HS6ST3: variants seen among roughly 807,000 people sequenced by gnomAD.
HS6ST3 encodes heparan sulfate 6-O-sulfotransferase 3, also known as heparan-sulfate 6-O-sulfotransferase 3.
Under a neutral mutation model 36.7 loss-of-function variants are expected in HS6ST3, and 12 were observed. That is an observed-to-expected ratio of 0.33 (90% confidence interval 0.21 to 0.53). The LOEUF (loss-of-function observed/expected upper bound fraction) is 0.53, where lower values mean the gene tolerates loss of function less well. Ranked by LOEUF, HS6ST3 falls within the 20% of genes least tolerant of loss-of-function variation. The pLI is 0.95. For synonymous variants in HS6ST3, 240 were observed against 257.5 expected, an observed-to-expected ratio of 0.93 and a Z score of 0.65; for missense variants, 584 against 640.9, an observed-to-expected ratio of 0.91 and a Z score of 0.96.
chr13:96,605,538 C>G (rs374733739), intron 1 of HS6ST3, among the ~76,000 whole-genome samples: 1 of 152,054 alleles, frequency 6.6e-6, no homozygotes, highest in Admixed American at 6.6e-5. Flanking sequence ...ATACGATCAT[C>G]CACATCCATT....
rs542018492 is a variant in HS6ST3 at position 96,340,911 on chromosome 13, G to C, written c.707+249342G>C. ...GGAAATATTGGATGTTTTATTCTCA[G>C]ACATAATCACTAAACTAACAAAAAA... On this transcript the variant is annotated intron_variant, in intron 1 of 1. Transcript: ENST00000376705. Among the ~76,000 whole-genome samples, 42 of 152,158 alleles carry C rather than the reference G, an allele frequency of 2.8e-4. No homozygotes were observed. The South Asian group carries it at 8.3e-3, about 30-fold the overall frequency.
At chr13:96,122,110 G>GTATTATTA in intron 1 of HS6ST3, among the ~76,000 whole-genome samples, 1 of 145,168 alleles carries the variant, frequency 6.9e-6, no homozygotes, top group East Asian at 2.0e-4. Flanking sequence ...ACCCTTTCAG[G>GTATTATTA]TATTATTATT....
chr13:96,590,054 T>A (rs2056376899), intron 1 of HS6ST3, among the ~76,000 whole-genome samples: 1 of 152,172 alleles, frequency 6.6e-6, no homozygotes, highest in Non-Finnish European at 1.5e-5. Flanking sequence ...TTTGTGTATG[T>A]GTACTGTGTT....
intron 1 of HS6ST3, among the ~76,000 whole-genome samples, chr13:96,144,035 T>C (rs1337079885): frequency 6.6e-6 from 1 of 152,168 alleles, no homozygotes; most frequent in Non-Finnish European, 1.5e-5. Flanking sequence ...AAAGGCAGCA[T>C]GATACAGTGA....
intron 1 of HS6ST3, among the ~76,000 whole-genome samples, chr13:96,284,910 G>GCTTGCTTTCTTTCTTT (rs1343778101): frequency 2.8e-4 from 38 of 134,674 alleles, no homozygotes; most frequent in East Asian, 1.1e-3. Context: ...ATGCATATTT[G>GCTTGCTTTCTTTCTTT]CTTTCTTTCT....
At chr13:96,498,899 A>C (rs1291346431) in intron 1 of HS6ST3, among the ~76,000 whole-genome samples, 1 of 152,214 alleles carries the variant, frequency 6.6e-6, no homozygotes, top group Non-Finnish European at 1.5e-5. Context: ...GAAAAGACTG[A>C]GTCATCCAGG....
At chr13:96,654,787 A>C (rs2056619103) in intron 1 of HS6ST3, among the ~76,000 whole-genome samples, 1 of 152,162 alleles carries the variant, frequency 6.6e-6, no homozygotes, top group African/African-American at 2.4e-5. Context: ...GATTGAAACA[A>C]AAGATGTCTG....
At chr13:96,333,116 C>A (rs1240914755) in intron 1 of HS6ST3, among the ~76,000 whole-genome samples, 1 of 152,192 alleles carries the variant, frequency 6.6e-6, no homozygotes, top group Non-Finnish European at 1.5e-5. Context: ...TTTGTTATAG[C>A]AGTGCGAATG....
At chr13:96,503,458 A>G (rs530754326) in intron 1 of HS6ST3, among the ~76,000 whole-genome samples, 25 of 152,318 alleles carry the variant, frequency 1.6e-4, no homozygotes, top group African/African-American at 5.8e-4. Context: ...GAGAGTGTAA[A>G]TGATACAGAA....
chr13:96,557,830 T>C lies in HS6ST3; in HGVS notation c.708-274660T>C, dbSNP rs548615466. The stretch of plus-strand genomic sequence containing the variant: ...AAGACAGTGATTAGAGCATTGACTT[T>C]GGAAGTCAGACAGTTAAGTTTTCTC... On this transcript the variant is annotated intron_variant, in intron 1 of 1. Transcript: ENST00000376705. Among the ~76,000 whole-genome samples the C allele has an allele frequency of 2.6e-5, 4 of 152,314 alleles. No homozygotes were observed. The East Asian group carries it at 7.7e-4, about 29-fold the overall frequency.
chr13:96,399,331 G>T (rs1025685805), intron 1 of HS6ST3, among the ~76,000 whole-genome samples: 5 of 152,104 alleles, frequency 3.3e-5, no homozygotes, highest in Non-Finnish European at 7.4e-5. Context: ...TAGACTCAAA[G>T]AGACCTTAGA....
At chr13:96,765,173 A>G (rs1276818492) in intron 1 of HS6ST3, among the ~76,000 whole-genome samples, 1 of 146,298 alleles carries the variant, frequency 6.8e-6, no homozygotes, top group Non-Finnish European at 1.5e-5. Flanking sequence ...TTCTGGGTTC[A>G]CGCCATTCTC....
At position 96,719,962 on chromosome 13, in the gene HS6ST3, G is replaced by C. The variant is rs549025635; in HGVS notation, c.708-112528G>C. Among the ~76,000 whole-genome samples the C allele has an allele frequency of 4.6e-5, 7 of 152,258 alleles. No individual in the cohort carries two copies. The East Asian group carries it at 1.4e-3, about 29-fold the overall frequency. ...AGCTGCATTTCTCCTTGGGTTAAAGGGGGTGCTGTCTCATTCTCACAGACA... is the reference window on the plus strand; with the variant it reads ...AGCTGCATTTCTCCTTGGGTTAAAGCGGGTGCTGTCTCATTCTCACAGACA... On this transcript the variant is annotated intron_variant, in intron 1 of 1. Coordinates refer to ENST00000376705, the MANE Select transcript of HS6ST3 (RefSeq NM_153456.4).
chr13:96,811,237 G>A lies in HS6ST3; in HGVS notation c.708-21253G>A, dbSNP rs1227330208. 3.3e-5 allele frequency among the ~76,000 whole-genome samples: 5 copies of A among 152,270 alleles called. No homozygotes were observed. The South Asian group carries it at 8.3e-4, about 25-fold the overall frequency. On this transcript the variant is annotated intron_variant, in intron 1 of 1. Transcript: ENST00000376705. The stretch of plus-strand genomic sequence containing the variant: ...CGCATGTTAGCTAAGAAGTGATAAG[G>A]CACCATTAGGAGCCCGTGCCACCTC...
At chr13:96,713,550 G>T (rs189375424) in intron 1 of HS6ST3, among the ~76,000 whole-genome samples, 172 of 152,258 alleles carry the variant, frequency 1.1e-3, no homozygotes, top group Non-Finnish European at 2.1e-3. Context: ...ACCAGTGGAG[G>T]AGATTATGCT....
intron 1 of HS6ST3, among the ~76,000 whole-genome samples, chr13:96,544,987 T>C (rs535963323): frequency 3.3e-4 from 50 of 152,242 alleles, no homozygotes; most frequent in African/African-American, 1.2e-3. Flanking sequence ...AAATTAGTAT[T>C]GTAGAGGGAA....
chr13:96,165,523 T>C (rs1275842946), intron 1 of HS6ST3, among the ~76,000 whole-genome samples: 4 of 152,224 alleles, frequency 2.6e-5, no homozygotes, highest in African/African-American at 4.8e-5. Context: ...TGTTAACAAG[T>C]GATCCTAAAA....
chr13:96,228,793 C>T (rs1473220687), intron 1 of HS6ST3, among the ~76,000 whole-genome samples: 5 of 152,138 alleles, frequency 3.3e-5, no homozygotes, highest in East Asian at 1.9e-4. Context: ...CACATAAAAA[C>T]GGATCAATGT....
chr13:96,576,790 A>C (rs2056323030), intron 1 of HS6ST3, among the ~76,000 whole-genome samples: 1 of 151,836 alleles, frequency 6.6e-6, no homozygotes, highest in Admixed American at 6.6e-5. Flanking sequence ...TAAAAATATA[A>C]AAAATTAGCC....
Sources: gnomAD v4.1 joint callset for allele counts (sites outside exome capture counted in the v4.1 genomes callset) on GRCh38, gnomAD v4.1.1 for gene constraint, MANE v1.5 for transcripts, NCBI Gene and HGNC (gene_info 2026-07-23, HGNC 2026-07-21) for gene names.